Variants in LDLRAD4 observed in about 807,000 individuals in gnomAD.
The protein encoded by LDLRAD4 is low density lipoprotein receptor class A domain containing 4.
LDLRAD4 carries 5 observed loss-of-function variants against 17.0 expected under a neutral mutation model. The ratio of observed to expected loss-of-function variants is 0.29; its 90% CI spans 0.15 to 0.62. The LOEUF (loss-of-function observed/expected upper bound fraction) is 0.62, where lower values mean the gene tolerates loss of function less well. LDLRAD4 is among the 20% of genes least tolerant of loss of function. The probability of loss-of-function intolerance (pLI) is 0.84; values close to 1 mark genes in which losing one functional copy is unlikely to be tolerated. For synonymous variants in LDLRAD4, 168 were observed against 171.8 expected (o/e 0.98, Z 0.17); for missense variants, 340 against 424.7 (o/e 0.80, Z 1.75).
intron 3 of LDLRAD4, among the ~76,000 whole-genome samples, chr18:13,551,329 C>T (rs1160641175): frequency 2.0e-5 from 3 of 152,166 alleles, no homozygotes; most frequent in Admixed American, 6.5e-5. Context: ...TTAAGTGCTC[C>T]TGTTGTGTGT....
At chr18:13,555,616 G>A (rs2094475806) in intron 3 of LDLRAD4, among the ~76,000 whole-genome samples, 1 of 152,156 alleles carries the variant, frequency 6.6e-6, no homozygotes, top group South Asian at 2.1e-4. Context: ...GCCCTATAAG[G>A]CATATAGCAG....
chr18:13,616,311 AG>A (rs2040077309), intron 3 of LDLRAD4, among the ~76,000 whole-genome samples: 1 of 150,228 alleles, frequency 6.7e-6, no homozygotes, highest in Non-Finnish European at 1.5e-5. Context: ...ATGGAGGGAG[AG>A]GGCATCTCAA....
intron 3 of LDLRAD4, among the ~76,000 whole-genome samples, chr18:13,493,260 A>G (rs886825952): frequency 6.6e-6 from 1 of 152,106 alleles, no homozygotes; most frequent in East Asian, 1.9e-4. Flanking sequence ...GTATGTCCTC[A>G]CCCCAAGGCC....
At chr18:13,332,515 T>C (rs1269717111) in intron 1 of LDLRAD4, among the ~76,000 whole-genome samples, 1 of 152,206 alleles carries the variant, frequency 6.6e-6, no homozygotes, top group African/African-American at 2.4e-5. Flanking sequence ...GAGTATCATA[T>C]ACAGTAGCTT....
chr18:13,387,390 G>A lies in LDLRAD4; in HGVS notation c.-333G>A, dbSNP rs1404035818. Reference sequence around the variant, plus strand: ...TGCGGCTGGGACAAGGAGCACCCGCGTGCAGGTGCGACCCTGCAGGATGCT... The same window carrying A: ...TGCGGCTGGGACAAGGAGCACCCGCATGCAGGTGCGACCCTGCAGGATGCT... On this transcript the variant is annotated 5_prime_UTR_variant, in exon 2 of 6. The change creates a new upstream start codon in the 5' untranslated region. Transcript: ENST00000359446. 26 of 266,654 alleles carry A rather than the reference G, an allele frequency of 9.8e-5. 1 individual carries two copies. Among genetic ancestry groups the A allele is most frequent in the South Asian group, 9.7e-4 (15 of 15,470 alleles). 16.5% of individuals were successfully genotyped at this position (266,654 alleles called of 1,614,324 possible).
intron 3 of LDLRAD4, among the ~76,000 whole-genome samples, chr18:13,446,266 T>G (rs2091398527): frequency 6.6e-6 from 1 of 152,176 alleles, no homozygotes; most frequent in Non-Finnish European, 1.5e-5. Context: ...GCTGGGGTGT[T>G]GAACTCAGGC....
intron 1 of LDLRAD4, among the ~76,000 whole-genome samples, chr18:13,330,484 G>T (rs1440997644): frequency 6.6e-6 from 1 of 152,026 alleles, no homozygotes; most frequent in Non-Finnish European, 1.5e-5. Context: ...TTCTGTAGTT[G>T]TCTTCAGAAA....
chr18:13,635,484 C>G (rs1431206608), intron 4 of LDLRAD4, among the ~76,000 whole-genome samples: 4 of 152,218 alleles, frequency 2.6e-5, no homozygotes, highest in Non-Finnish European at 5.9e-5. Context: ...TGCTCCAGAT[C>G]TGCAAATTGC....
At chr18:13,258,149 A>G (rs2043607717) in intron 1 of LDLRAD4, among the ~76,000 whole-genome samples, 1 of 152,218 alleles carries the variant, frequency 6.6e-6, no homozygotes. Flanking sequence ...TTTTTCATTT[A>G]TTTACTTAGT....
At chr18:13,624,189 G>A (rs1331149442) in intron 4 of LDLRAD4, among the ~76,000 whole-genome samples, 1 of 107,570 alleles carries the variant, frequency 9.3e-6, no homozygotes, top group Non-Finnish European at 1.7e-5. Flanking sequence ...GACCCACCAG[G>A]TGCTGAGCAC....
intron 3 of LDLRAD4, among the ~76,000 whole-genome samples, chr18:13,495,878 C>A (rs1385461214): frequency 6.6e-6 from 1 of 152,248 alleles, no homozygotes; most frequent in African/African-American, 2.4e-5. Flanking sequence ...ACCTCCATCA[C>A]CTTCTAGCTC....
chr18:13,621,322 T>A lies in LDLRAD4; in HGVS notation c.336+51T>A. The A allele has an allele frequency of 6.9e-7, 1 of 1,453,592 alleles. No individual in the cohort carries two copies. The highest frequency in any genetic ancestry group is 1.4e-5 in the African/African-American group (1 of 72,116). 90.0% of individuals were successfully genotyped at this position (1,453,592 alleles called of 1,614,324 possible). A position where few individuals can be genotyped will look rare whatever the true frequency, so the allele number is the denominator to read the frequency against. Reference sequence around the variant, plus strand: ...CAGAGTCAGGCAGCTGCAAGAGGCTTAGGAGCCCATCAGGGTTCAGAGGCC... The same window carrying A: ...CAGAGTCAGGCAGCTGCAAGAGGCTAAGGAGCCCATCAGGGTTCAGAGGCC... On this transcript the variant is annotated intron_variant, in intron 4 of 5. Transcript: ENST00000359446. This position sits in a 1 kb window ranked among gnomAD's most constrained non-coding sequence, Gnocchi z 5.5.
At chr18:13,311,110 C>A (rs1440506296) in intron 1 of LDLRAD4, among the ~76,000 whole-genome samples, 1 of 152,218 alleles carries the variant, frequency 6.6e-6, no homozygotes, top group Non-Finnish European at 1.5e-5. Flanking sequence ...TATGGCCTTT[C>A]CTATCTTATA....
chr18:13,608,093 A>C (rs1480711968), intron 3 of LDLRAD4, among the ~76,000 whole-genome samples: 1 of 152,190 alleles, frequency 6.6e-6, no homozygotes, highest in Non-Finnish European at 1.5e-5. Flanking sequence ...CCCCATCAAA[A>C]AGTGGATGAA....
At chr18:13,529,685 A>G (rs1348278868) in intron 3 of LDLRAD4, among the ~76,000 whole-genome samples, 2 of 152,258 alleles carry the variant, frequency 1.3e-5, no homozygotes, top group East Asian at 1.9e-4. Context: ...AAAAGAAAAT[A>G]TAACTTTTGG....
chr18:13,606,474 A>G (rs962447387), intron 3 of LDLRAD4, among the ~76,000 whole-genome samples: 2 of 152,206 alleles, frequency 1.3e-5, no homozygotes, highest in African/African-American at 4.8e-5. Flanking sequence ...TGCTAGCTCC[A>G]TGGGGTCACA....
At chr18:13,502,806 C>T (rs2093633079) in intron 3 of LDLRAD4, among the ~76,000 whole-genome samples, 1 of 152,346 alleles carries the variant, frequency 6.6e-6, no homozygotes, top group Non-Finnish European at 1.5e-5. Flanking sequence ...CCTGAGCCAT[C>T]CTCAGAGCAC....
intron 3 of LDLRAD4, among the ~76,000 whole-genome samples, chr18:13,483,707 G>A (rs1050359639): frequency 1.3e-5 from 2 of 152,190 alleles, no homozygotes; most frequent in African/African-American, 4.8e-5. Flanking sequence ...GAGGGTAGAC[G>A]TTATCTCCAC....
intron 3 of LDLRAD4, among the ~76,000 whole-genome samples, chr18:13,482,617 G>C (rs1422412791): frequency 3.9e-5 from 6 of 152,244 alleles, no homozygotes; most frequent in Non-Finnish European, 2.9e-5. Context: ...CATGGGGACT[G>C]CAGGGGCCGC....
Sources: gnomAD v4.1 joint callset for allele counts (sites outside exome capture counted in the v4.1 genomes callset) on GRCh38, gnomAD v4.1.1 for gene constraint, Gnocchi (gnomAD v3.1) non-coding constraint, MANE v1.5 for transcripts, NCBI Gene and HGNC (gene_info 2026-07-23, HGNC 2026-07-21) for gene names.